KDM5C: variants seen among roughly 807,000 people sequenced by gnomAD.
KDM5C encodes lysine demethylase 5C.
KDM5C carries 16 observed loss-of-function variants against 110.6 expected under a neutral mutation model. That is an observed-to-expected ratio of 0.14 (90% CI 0.10 to 0.22). The LOEUF is 0.22. Ranked by LOEUF, KDM5C falls within the 10% of genes least tolerant of loss-of-function variation. The pLI, the probability that KDM5C is intolerant of heterozygous loss-of-function variation, is 1.00. For missense variants in KDM5C, 681 were observed against 1,300.9 expected (o/e 0.52, Z 7.33); for synonymous variants, 511 against 520.4 (o/e 0.98, Z 0.24).
chrX:53,217,425 C>A (rs1556852538), intron 4 of KDM5C, 148 bp from the exon 5 acceptor site: 2 of 667,092 alleles, frequency 3.0e-6, no homozygotes, highest in African/African-American at 2.1e-5. Context: ...GTCTTTAGCA[C>A]TGACACCAGC....
At chrX:53,205,467 G>C (rs1255718160) in intron 12 of KDM5C, among the ~76,000 whole-genome samples, 4 of 111,926 alleles carry the variant, frequency 3.6e-5, no homozygotes, top group Admixed American at 2.8e-4. Context: ...TACTGCACTG[G>C]CCTCAATTAC....
At chrX:53,213,609 A>T (rs1002288281) in intron 8 of KDM5C, among the ~76,000 whole-genome samples, 2 of 111,481 alleles carry the variant, frequency 1.8e-5, no homozygotes, top group African/African-American at 6.5e-5. Context: ...CTCTCCTGCT[A>T]TACCTCTGTT....
At position 53,184,595 on chromosome X, in the gene KDM5C, T is replaced by C. The variant is rs1213566803; in HGVS notation, c.4309-7973A>G. Among the ~76,000 whole-genome samples the C allele has an allele frequency of 2.7e-5, 3 of 111,809 alleles. No homozygotes were observed. The East Asian group carries it at 8.3e-4, about 31-fold the overall frequency. On this transcript the variant is annotated intron_variant, in intron 25 of 25. Coordinates refer to the KDM5C transcript ENST00000685641. ...TGATCATGTGTTTCTTTTCCTTTGT[T>C]CTATTAATGTGATGTTATTACCTTG...
intron 25 of KDM5C, among the ~76,000 whole-genome samples, chrX:53,180,716 C>T (rs1343003862): frequency 3.9e-5 from 3 of 76,039 alleles, no homozygotes; most frequent in East Asian, 8.9e-4. Flanking sequence ...CCACCACACC[C>T]GGCTTTTTTT....
intron 12 of KDM5C, among the ~76,000 whole-genome samples, chrX:53,206,201 C>A (rs1172818736): frequency 8.9e-6 from 1 of 112,289 alleles, no homozygotes; most frequent in Admixed American, 9.4e-5. Context: ...CAAAAACATG[C>A]TAAGTGAGAG....
At chrX:53,187,009 C>A (rs1934237937), downstream of KDM5C, among the ~76,000 whole-genome samples, 2 of 112,283 alleles carry the variant, frequency 1.8e-5, no homozygotes, top group African/African-American at 3.2e-5. Context: ...GGAGCTCAAT[C>A]AAGTAGACAG....
At chrX:53,180,815 C>A (rs1934021854) in intron 25 of KDM5C, among the ~76,000 whole-genome samples, 1 of 103,735 alleles carries the variant, frequency 9.6e-6, no homozygotes, top group Non-Finnish European at 2.0e-5. Flanking sequence ...CAGGCTCCAC[C>A]CCCCGGGGGT....
chrX:53,188,212 G>C (rs1352517448), downstream of KDM5C, among the ~76,000 whole-genome samples: 4 of 111,021 alleles, frequency 3.6e-5, no homozygotes, highest in Admixed American at 3.8e-4. Context: ...ACTTTGGGAA[G>C]TGGTGAATGT....
At chrX:53,186,926 T>C (rs1556828311), downstream of KDM5C, among the ~76,000 whole-genome samples, 1 of 112,512 alleles carries the variant, frequency 8.9e-6, no homozygotes, top group Non-Finnish European at 1.9e-5. Flanking sequence ...AGCATATGGC[T>C]GTCCCTCTTG....
chrX:53,207,500 G>C (rs1556846129), intron 12 of KDM5C, among the ~76,000 whole-genome samples: 1 of 111,621 alleles, frequency 9.0e-6, no homozygotes, highest in African/African-American at 3.3e-5. Flanking sequence ...TTACCAAATT[G>C]ATTATAAAAA....
At chrX:53,205,848 TTA>T (rs1263615086) in intron 12 of KDM5C, among the ~76,000 whole-genome samples, 2 of 111,641 alleles carry the variant, frequency 1.8e-5, no homozygotes, top group African/African-American at 6.5e-5. Context: ...AGTCCCAGGC[TTA>T]GTTTTATTTA....
At chrX:53,194,772 G>C (rs1556835081) in intron 22 of KDM5C, 34 bp from the exon 23 acceptor site, 1 of 1,208,510 alleles carries the variant, frequency 8.3e-7, no homozygotes, top group East Asian at 3.0e-5. Context: ...AAGTGGGTCA[G>C]CAGCCTACCC....
In KDM5C at chrX:53,201,782, G is replaced by C. The variant is rs376874142; in HGVS notation, c.1867-38C>G. 2.8e-5 allele frequency: 34 copies of C among 1,208,849 alleles called. No individual in the cohort carries two copies. In the Middle Eastern group the frequency reaches 2.1e-3, roughly 74 times the overall value. On this transcript the variant is annotated intron_variant, in intron 13 of 25. Coordinates refer to ENST00000375401, the MANE Select transcript of KDM5C (RefSeq NM_004187.5). ...TCAAGGTTGAGTGTGGCCAAGTCTG[G>C]AGGCCATGATGCCCCAGCTTCTCTA... is the stretch of plus-strand genomic sequence containing the variant.
At position 53,194,671 on chromosome X, in the gene KDM5C, G is replaced by A. The variant is rs1602162465; in HGVS notation, c.3506C>T (p.Ser1169Leu). 3 of 1,211,179 alleles carry A rather than the reference G, an allele frequency of 2.5e-6. No individual in the cohort carries two copies. Among genetic ancestry groups the A allele is most frequent in the Non-Finnish European group, 3.4e-6 (3 of 895,126 alleles). ...EGILQLRRTN[S>L]AKPSPLASSS... ...TGATGCCAGTGGACTGGGCTTGGCC[G>A]AATTGGTGCGACGCAGCTGCAGGAT... The change falls in exon 23 of 26, where the codon TCG becomes TTG. Residue 1169 changes from serine to leucine, a missense_variant. Ser to Leu is a moderately radical substitution (Grantham distance 145, BLOSUM62 -2). This residue lies in a region of KDM5C where 48 missense variants were observed against 59.7 expected (regional missense o/e 0.80). Transcript: ENST00000375401.
intron 20 of KDM5C, 115 bp downstream of exon 20, chrX:53,195,801 C>A: frequency 1.2e-6 from 1 of 802,642 alleles, no homozygotes; most frequent in South Asian, 2.4e-5. Flanking sequence ...ATGCCATGCC[C>A]CCTTCCTCTC....
chrX:53,180,975 G>A (rs942954129), intron 25 of KDM5C, among the ~76,000 whole-genome samples: 1 of 107,112 alleles, frequency 9.3e-6, no homozygotes, highest in Non-Finnish European at 1.9e-5. Context: ...TGATCCGCCC[G>A]CCTCGGAAAT....
At chrX:53,182,694 C>G (rs908764154) in intron 25 of KDM5C, among the ~76,000 whole-genome samples, 17 of 112,900 alleles carry the variant, frequency 1.5e-4, no homozygotes, top group Admixed American at 5.6e-4. Context: ...AATTGAATTG[C>G]TTGTCTTTTT....
At chrX:53,210,993 G>A (rs1556848513) in intron 10 of KDM5C, 136 bp from the exon 11 acceptor site, 1 of 554,659 alleles carries the variant, frequency 1.8e-6, no homozygotes, top group Admixed American at 2.8e-5. Flanking sequence ...AAACATATAG[G>A]TTTTCTCCCT....
In KDM5C at chrX:53,225,183, G is replaced by A. The variant is rs1182510953; in HGVS notation, c.-294C>T. The A allele has an allele frequency of 1.4e-5, 5 of 346,808 alleles. No homozygotes were observed. The highest frequency in any genetic ancestry group is 1.6e-4 in the South Asian group (2 of 12,874). The allele number at this position is 346,808 out of a possible 1,213,427, so 28.6% of individuals were successfully genotyped here. A position where few individuals can be genotyped will look rare whatever the true frequency, so the allele number is the denominator to read the frequency against. On this transcript the variant is annotated 5_prime_UTR_variant, in exon 1 of 26. Transcript: ENST00000375401. ...CCTCCCAAACGCCGCGGCCTTCAGC[G>A]CCGCCGCCGCCATCTTGGTTTGTCA...
Sources: allele counts gnomAD v4.1 joint callset (sites outside exome capture counted in the v4.1 genomes callset), GRCh38; gene constraint gnomAD v4.1.1; regional missense constraint gnomAD v4.1.1; transcripts MANE v1.5; gene names NCBI Gene and HGNC (gene_info 2026-07-23, HGNC 2026-07-21).